The following WDR64 variants were observed in gnomAD, a reference collection of about 807,000 sequenced individuals.
The protein encoded by WDR64 is WD repeat-containing protein 64.
Under a neutral mutation model 139.3 loss-of-function variants are expected in WDR64, and 112 were observed. The observed-to-expected ratio is 0.80, with a 90% CI of 0.69 to 0.94. The LOEUF (loss-of-function observed/expected upper bound fraction) is 0.94, where lower values mean the gene tolerates loss of function less well. Among genes scored for constraint, WDR64 ranks in the 40% least tolerant of loss-of-function variants. The pLI is 0.00. For synonymous variants in WDR64, 444 were observed against 437.7 expected (o/e 1.01, Z -0.18); for missense variants, 1,206 against 1,293.1 (o/e 0.93, Z 1.03).
chr1:241,683,789 T>A, intron 7 of WDR64, 88 bp downstream of exon 7: 1 of 1,115,080 alleles, frequency 9.0e-7, no homozygotes. Flanking sequence ...AAAATGAGAT[T>A]TAAATTACAG....
intron 10 of WDR64, among the ~76,000 whole-genome samples, chr1:241,734,682 C>A (rs74494481): frequency 0.015 from 2,288 of 151,934 alleles, 64 homozygotes; most frequent in African/African-American, 0.053. Context: ...GTGGTTCTTC[C>A]CCCGAGAGTT....
chr1:241,772,451 CTTTTTTTTTTTTT>C (rs534177884), intron 19 of WDR64, among the ~76,000 whole-genome samples: 6 of 59,056 alleles, frequency 1.0e-4, no homozygotes, highest in African/African-American at 1.9e-4. Context: ...AAGATAGATC[CTTTTTTTTTTTTT>C]TTTTTTTTTT....
chr1:241,700,356 G>A (rs998928433), intron 8 of WDR64, among the ~76,000 whole-genome samples: 1 of 151,774 alleles, frequency 6.6e-6, no homozygotes, highest in Non-Finnish European at 1.5e-5. Context: ...TTCTAAAGTA[G>A]TATTGTCATA....
Position 241,783,287 on chromosome 1 carries a change from C to T in WDR64, c.2611C>T (p.Leu871Phe). 1 of 1,613,758 alleles carries T rather than the reference C, an allele frequency of 6.2e-7. No individual in the cohort carries two copies. The highest frequency in any genetic ancestry group is 1.3e-5 in the African/African-American group (1 of 75,056). ...PHDEKKFKQLLSWRAHSLEII... is the reference protein window; with the variant it reads ...PHDEKKFKQLFSWRAHSLEII... ...TGCTATCTAGAAATTCAAGCAGCTG[C>T]TTTCCTGGCGTGCTCATTCTTTGGA... is the stretch of plus-strand genomic sequence containing the variant. Residue 871 changes from leucine to phenylalanine, a missense_variant, in exon 23 of 28, where the codon CTT becomes TTT. Leu to Phe is a conservative substitution (Grantham distance 22). Transcript: ENST00000437684.
chr1:241,663,441 C>G (rs1665911886), intron 2 of WDR64, among the ~76,000 whole-genome samples: 1 of 152,210 alleles, frequency 6.6e-6, no homozygotes, highest in Non-Finnish European at 1.5e-5. Context: ...CCTTGGCCAC[C>G]CCCTCAGAAC....
chr1:241,801,904 G>C lies in WDR64; in HGVS notation c.*689G>C, dbSNP rs1659536585. 1 of 397,632 alleles carries C rather than the reference G, an allele frequency of 2.5e-6. No homozygotes were observed. Among genetic ancestry groups the C allele is most frequent in the African/African-American group, 2.1e-5 (1 of 48,450 alleles). 24.6% of individuals were successfully genotyped at this position (397,632 alleles called of 1,614,324 possible). ...AGGTTAAAGTATGCAAGTTTAAAAG[G>C]TTGTCAGAATGGATTAAAAAAACAA... On this transcript the variant is annotated 3_prime_UTR_variant, in exon 28 of 28. Transcript: ENST00000437684.
intron 14 of WDR64, 111 bp from the exon 15 acceptor site, chr1:241,757,172 T>C: frequency 1.0e-6 from 1 of 982,864 alleles, no homozygotes; most frequent in Non-Finnish European, 1.4e-6. Context: ...GAAGATTTGG[T>C]AAAGCTAGAT....
At chr1:241,771,953 T>A (rs868833446) in intron 19 of WDR64, among the ~76,000 whole-genome samples, 1 of 67,602 alleles carries the variant, frequency 1.5e-5, no homozygotes, top group African/African-American at 8.1e-5. Context: ...TACATATATA[T>A]ATATATATAT....
intron 10 of WDR64, among the ~76,000 whole-genome samples, chr1:241,735,531 C>CCCTT (rs1296893731): frequency 2.1e-5 from 2 of 96,788 alleles, no homozygotes; most frequent in African/African-American, 8.2e-5. Flanking sequence ...CTCTCTCTCT[C>CCCTT]TCTTTTTTTT....
chr1:241,684,733 ATGG>A (rs1398648951), intron 7 of WDR64, among the ~76,000 whole-genome samples: 4 of 152,080 alleles, frequency 2.6e-5, no homozygotes, highest in Non-Finnish European at 5.9e-5. Flanking sequence ...AAATATCAGT[ATGG>A]TTATCACAGC....
intron 8 of WDR64, among the ~76,000 whole-genome samples, chr1:241,705,455 T>C (rs1156469508): frequency 6.6e-6 from 1 of 151,240 alleles, no homozygotes; most frequent in Admixed American, 6.6e-5. Context: ...GGCAGGAGAA[T>C]GGCGTGAACC....
rs995906898 is a variant in WDR64 at position 241,741,614 on chromosome 1, A to G, written c.1420A>G (p.Asn474Asp). The stretch of plus-strand genomic sequence containing the variant: ...ACGAGAAATCAATGTCATGCTTTAC[A>G]ACAAATATTTTCATCAAGTACTCAC... ...HEREINVMLY[N>D]KYFHQVLTIC... is the part of the protein sequence containing the mutation. Residue 474 changes from asparagine (N) to aspartate (D), a missense_variant, in exon 12 of 28, where the codon AAC becomes GAC. Coordinates refer to ENST00000437684, the MANE Select transcript of WDR64 (RefSeq NM_001367482.1). 5.0e-6 allele frequency: 8 copies of G among 1,613,406 alleles called. No individual in the cohort carries two copies. Among genetic ancestry groups the G allele is most frequent in the East Asian group, 2.2e-5 (1 of 44,838 alleles).
At chr1:241,698,509 C>T (rs1445396181) in intron 8 of WDR64, among the ~76,000 whole-genome samples, 1 of 152,052 alleles carries the variant, frequency 6.6e-6, no homozygotes, top group Non-Finnish European at 1.5e-5. Flanking sequence ...GTTCTCTGTC[C>T]CCTCCCCACA....
Position 241,788,017 on chromosome 1 carries a change from G to A in WDR64, c.2874G>A (p.Leu958=). 1 of 1,593,752 alleles carries A rather than the reference G, an allele frequency of 6.3e-7. No homozygotes were observed. The highest frequency in any genetic ancestry group is 8.5e-7 in the Non-Finnish European group (1 of 1,173,290). ...AGAAGCAAAAATATGAATATCCTCT[G>A]ATATTTGACCGGGAAAAGTAAGACC... The part of the protein sequence containing the change: ...FTEKQKYEYP[L]IFDREKWRKM... The change falls in exon 24 of 28, where the codon CTG becomes CTA. Residue 958 remains leucine, a synonymous_variant. Transcript: ENST00000437684.
intron 15 of WDR64, among the ~76,000 whole-genome samples, chr1:241,763,466 T>C (rs997178560): frequency 2.0e-5 from 3 of 152,142 alleles, no homozygotes; most frequent in Non-Finnish European, 4.4e-5. Context: ...TCCCGGCACT[T>C]TGGGAGGCCA....
At chr1:241,779,183 T>C (rs1186467069) in intron 21 of WDR64, among the ~76,000 whole-genome samples, 1 of 152,204 alleles carries the variant, frequency 6.6e-6, no homozygotes. Flanking sequence ...TGTTAAATAT[T>C]TCACTCCACT....
At chr1:241,708,463 A>G (rs938822585) in intron 8 of WDR64, among the ~76,000 whole-genome samples, 1 of 152,068 alleles carries the variant, frequency 6.6e-6, no homozygotes, top group African/African-American at 2.4e-5. Flanking sequence ...ACACGCATAC[A>G]CCACCATGCC....
chr1:241,694,994 G>A (rs1340649020), intron 8 of WDR64, among the ~76,000 whole-genome samples: 1 of 152,164 alleles, frequency 6.6e-6, no homozygotes, highest in Non-Finnish European at 1.5e-5. Context: ...TAAAGTCAGT[G>A]GTATGTTGAA....
At chr1:241,767,217 T>G (rs1327469832) in intron 16 of WDR64, among the ~76,000 whole-genome samples, 2 of 152,192 alleles carry the variant, frequency 1.3e-5, no homozygotes, top group African/African-American at 4.8e-5. Context: ...CACGTCTGAT[T>G]TATTACAGAT....
Sources: allele counts gnomAD v4.1 joint callset (sites outside exome capture counted in the v4.1 genomes callset), GRCh38; gene constraint gnomAD v4.1.1; transcripts MANE v1.5; gene names NCBI Gene and HGNC (gene_info 2026-07-23, HGNC 2026-07-21).